Variants in CNTNAP2 observed in about 807,000 individuals in gnomAD.
The protein encoded by CNTNAP2 is contactin associated protein 2.
A neutral mutation model predicts 155.2 loss-of-function variants in CNTNAP2; 98 were observed. The ratio of observed to expected loss-of-function variants is 0.63; its 90% CI spans 0.54 to 0.75. CNTNAP2 has a LOEUF of 0.75. Ranked by LOEUF, CNTNAP2 falls within the 30% of genes least tolerant of loss-of-function variation. CNTNAP2 has a pLI of 0.00. For synonymous variants in CNTNAP2, 651 were observed against 631.2 expected (o/e 1.03, Z -0.47); for missense variants, 1,727 against 1,688.1 (o/e 1.02, Z -0.40).
intron 15 of CNTNAP2, among the ~76,000 whole-genome samples, chr7:148,028,361 A>T (rs1802409577): frequency 6.6e-6 from 1 of 152,068 alleles, no homozygotes; most frequent in African/African-American, 2.4e-5. Flanking sequence ...CTCATGTTCC[A>T]CACATTTGGA....
intron 21 of CNTNAP2, among the ~76,000 whole-genome samples, chr7:148,340,982 C>G (rs188410237): frequency 1.6e-4 from 24 of 152,332 alleles, no homozygotes; most frequent in Non-Finnish European, 2.9e-4. Context: ...GTCTAGACAG[C>G]CTTTGTTTCT....
intron 1 of CNTNAP2, among the ~76,000 whole-genome samples, chr7:146,335,733 A>G (rs1801263429): frequency 6.6e-6 from 1 of 152,120 alleles, no homozygotes; most frequent in South Asian, 2.1e-4. Context: ...ACAAGTGTTC[A>G]TATATACTTT....
intron 21 of CNTNAP2, among the ~76,000 whole-genome samples, chr7:148,295,553 G>A (rs1484405141): frequency 5.5e-5 from 8 of 145,776 alleles, no homozygotes; most frequent in African/African-American, 5.2e-5. Context: ...GTGCTGTGGC[G>A]CAGTCTCGGC....
intron 8 of CNTNAP2, among the ~76,000 whole-genome samples, chr7:147,257,298 G>T (rs2116675965): frequency 6.6e-6 from 1 of 152,308 alleles, no homozygotes; most frequent in South Asian, 2.1e-4. Context: ...AGCTTACACA[G>T]AAGTCTGTTG....
intron 14 of CNTNAP2, among the ~76,000 whole-genome samples, chr7:147,962,857 T>C (rs1801137200): frequency 6.6e-6 from 1 of 152,108 alleles, no homozygotes; most frequent in South Asian, 2.1e-4. Context: ...AGGTAAACAG[T>C]TTAACATCAG....
chr7:147,801,739 G>C (rs190894678), intron 13 of CNTNAP2, among the ~76,000 whole-genome samples: 38 of 152,074 alleles, frequency 2.5e-4, no homozygotes, highest in Non-Finnish European at 5.1e-4. Context: ...ACACAGACAC[G>C]GCAACCATCC....
At chr7:146,652,370 C>A (rs1799929544) in intron 1 of CNTNAP2, among the ~76,000 whole-genome samples, 1 of 152,108 alleles carries the variant, frequency 6.6e-6, no homozygotes, top group South Asian at 2.1e-4. Context: ...CTGTGGGCTA[C>A]TTCTGTTTTC....
intron 1 of CNTNAP2, among the ~76,000 whole-genome samples, chr7:146,249,929 A>T (rs115848837): frequency 0.019 from 2,959 of 152,292 alleles, 84 homozygotes; most frequent in African/African-American, 0.068. Context: ...GCTACGTCTT[A>T]GGGCTCTATG....
intron 1 of CNTNAP2, among the ~76,000 whole-genome samples, chr7:146,679,962 A>G (rs1800472841): frequency 6.6e-6 from 1 of 152,180 alleles, no homozygotes; most frequent in African/African-American, 2.4e-5. Flanking sequence ...GTCCTATTTT[A>G]GTCATATAAA....
At chr7:147,623,147 A>G (rs1794898546) in intron 12 of CNTNAP2, among the ~76,000 whole-genome samples, 1 of 151,994 alleles carries the variant, frequency 6.6e-6, no homozygotes. Context: ...AGAAAAGCAC[A>G]GGAACTGAAG....
intron 1 of CNTNAP2, among the ~76,000 whole-genome samples, chr7:146,203,745 T>C (rs1798903106): frequency 6.6e-6 from 1 of 152,080 alleles, no homozygotes; most frequent in South Asian, 2.1e-4. Flanking sequence ...TGAAGCTACC[T>C]AGGGACTGCC....
chr7:148,091,799 A>G (rs1298727940), intron 15 of CNTNAP2, among the ~76,000 whole-genome samples: 1 of 152,168 alleles, frequency 6.6e-6, no homozygotes, highest in Non-Finnish European at 1.5e-5. Context: ...TACAAGCAAA[A>G]GAGAATCCAG....
chr7:146,152,565 C>T (rs1798067907), intron 1 of CNTNAP2, among the ~76,000 whole-genome samples: 1 of 152,014 alleles, frequency 6.6e-6, no homozygotes, highest in South Asian at 2.1e-4. Flanking sequence ...CCATATGTTA[C>T]CCAGCTGGAT....
chr7:147,046,696 T>C (rs1032429995), intron 4 of CNTNAP2, among the ~76,000 whole-genome samples: 2 of 152,126 alleles, frequency 1.3e-5, no homozygotes, highest in African/African-American at 4.8e-5. Flanking sequence ...TGCAATTAAC[T>C]GGAGTTCCTG....
At chr7:146,745,409 A>T (rs937334788) in intron 1 of CNTNAP2, among the ~76,000 whole-genome samples, 2 of 152,172 alleles carry the variant, frequency 1.3e-5, no homozygotes, top group South Asian at 4.1e-4. Flanking sequence ...AGAGGATCAC[A>T]AAGTCAGTGG....
chr7:147,171,179 T>C (rs1802218997), intron 8 of CNTNAP2, among the ~76,000 whole-genome samples: 1 of 152,158 alleles, frequency 6.6e-6, no homozygotes, highest in African/African-American at 2.4e-5. Flanking sequence ...CACTCACCCC[T>C]TCCTCAGGAG....
In CNTNAP2 at chr7:146,721,889, A is replaced by ATTTTTTTTTTTTTTTTT. The variant is rs71527797; in HGVS notation, c.98-52381_98-52365dup. ...TGTGTGTGTGTGTATATATATATAT[A>ATTTTTTTTTTTTTTTTT]TTTTTTTTTTTTTTTTTGAGATGGA... On this transcript the variant is annotated intron_variant, in intron 1 of 23. Coordinates refer to ENST00000361727, the MANE Select transcript of CNTNAP2 (RefSeq NM_014141.6). Among the ~76,000 whole-genome samples the ATTTTTTTTTTTTTTTTT allele has an allele frequency of 7.2e-5, 5 of 69,706 alleles. 1 individual carries two copies. In the African/African-American group the frequency reaches 7.6e-4, roughly 11 times the overall value. The allele number at this position is 69,706 out of a possible 152,430, so 45.7% of individuals were successfully genotyped here. A position where few individuals can be genotyped will look rare whatever the true frequency, so the allele number is the denominator to read the frequency against.
intron 13 of CNTNAP2, among the ~76,000 whole-genome samples, chr7:147,820,516 T>C (rs1339273811): frequency 1.3e-5 from 2 of 152,184 alleles, no homozygotes; most frequent in Non-Finnish European, 2.9e-5. Context: ...GTCTTTAATT[T>C]TGATTAAGTT....
Position 146,665,270 on chromosome 7 carries a change from C to G in CNTNAP2, c.98-109001C>G, listed in dbSNP as rs114405713. ...GGCGTCTTGCTATCCTGACATTTAT[C>G]ATTCCTTTCTCTCTCTTTCTGTCAG... On this transcript the variant is annotated intron_variant, in intron 1 of 23. Transcript: ENST00000361727. Among the ~76,000 whole-genome samples the G allele has an allele frequency of 6.3e-3, 958 of 152,220 alleles. 9 individuals are homozygous for G. The highest frequency in any genetic ancestry group is 0.022 in the African/African-American group (916 of 41,546).
Sources: allele counts gnomAD v4.1 joint callset (sites outside exome capture counted in the v4.1 genomes callset), GRCh38; gene constraint gnomAD v4.1.1; transcripts MANE v1.5; gene names NCBI Gene and HGNC (gene_info 2026-07-23, HGNC 2026-07-21).